TAF2: variants seen among roughly 807,000 people sequenced by gnomAD.
TAF2 encodes TATA-box binding protein associated factor 2.
Under a neutral mutation model 138.5 loss-of-function variants are expected in TAF2, and 61 were observed. The ratio of observed to expected loss-of-function variants is 0.44; its 90% CI spans 0.36 to 0.54. The LOEUF is 0.54. TAF2 is among the 20% of genes least tolerant of loss of function. The pLI, the probability that TAF2 is intolerant of heterozygous loss-of-function variation, is 0.00. For missense variants in TAF2, 1,090 were observed against 1,427.9 expected (o/e 0.76, Z 3.81); for synonymous variants, 475 against 469.9 (o/e 1.01, Z -0.14).
At chr8:119,767,634 C>G (rs946252024) in intron 18 of TAF2, among the ~76,000 whole-genome samples, 2 of 152,220 alleles carry the variant, frequency 1.3e-5, no homozygotes, top group African/African-American at 4.8e-5. Context: ...TGCTACTGCC[C>G]CACCAGGGAA....
intron 14 of TAF2, among the ~76,000 whole-genome samples, chr8:119,786,433 C>G (rs1823014903): frequency 6.6e-6 from 1 of 152,006 alleles, no homozygotes; most frequent in Non-Finnish European, 1.5e-5. Flanking sequence ...TTTTCTAGTA[C>G]CAAAAACTAA....
chr8:119,776,581 C>T (rs917109100), intron 18 of TAF2, among the ~76,000 whole-genome samples: 7 of 149,698 alleles, frequency 4.7e-5, no homozygotes, highest in Non-Finnish European at 8.9e-5. Context: ...CCCAGCTATT[C>T]GGGAGGCTGA....
At chr8:119,775,116 T>TA (rs889344808) in intron 18 of TAF2, among the ~76,000 whole-genome samples, 4 of 151,178 alleles carry the variant, frequency 2.6e-5, no homozygotes, top group Admixed American at 2.0e-4. Context: ...CTGTCTCTAC[T>TA]AAAAAAATAC....
chr8:119,831,763 A>C, intron 1 of TAF2, 32 bp from the exon 2 acceptor site: 1 of 1,388,996 alleles, frequency 7.2e-7, no homozygotes, highest in Non-Finnish European at 9.8e-7. Flanking sequence ...GAAAATAAGG[A>C]AAAAATAATT....
chr8:119,743,256 A>G (rs1819726829), intron 24 of TAF2, among the ~76,000 whole-genome samples: 2 of 152,174 alleles, frequency 1.3e-5, no homozygotes, highest in African/African-American at 4.8e-5. Context: ...CTAAGTGAAA[A>G]AAAGCAAGTC....
Position 119,797,810 on chromosome 8 carries a change from G to T in TAF2, c.829C>A (p.Leu277Met). ...TGAAGGTATGATGTGGTATGTTTCAGCAATGGAAGAAGTTGGGGCAAACAA... is the reference window on the plus strand; with the variant it reads ...TGAAGGTATGATGTGGTATGTTTCATCAATGGAAGAAGTTGGGGCAAACAA... Reference protein sequence around the residue: ...HFCLPQLLPLLKHTTSYLHEV... With the variant: ...HFCLPQLLPLMKHTTSYLHEV... Residue 277 changes from leucine to methionine, a missense_variant, in exon 7 of 26, where the codon CTG becomes ATG. Around this residue, in one of 3 missense-constraint regions of TAF2, gnomAD observed 504 missense variants for 680.9 expected, o/e 0.74. Coordinates refer to ENST00000378164, the MANE Select transcript of TAF2 (RefSeq NM_003184.4). The T allele has an allele frequency of 6.2e-7, 1 of 1,613,510 alleles. No individual in the cohort carries two copies. The highest frequency in any genetic ancestry group is 8.5e-7 in the Non-Finnish European group (1 of 1,179,662).
intron 5 of TAF2, 52 bp downstream of exon 5, chr8:119,803,826 T>A (rs1314082961): frequency 2.0e-6 from 3 of 1,533,984 alleles, no homozygotes; most frequent in Non-Finnish European, 2.7e-6. Flanking sequence ...TGCTTATACA[T>A]AAAAAATGCA....
At chr8:119,762,781 A>C (rs1331138310) in intron 18 of TAF2, 173 bp from the exon 19 acceptor site, 1 of 572,518 alleles carries the variant, frequency 1.7e-6, no homozygotes, top group Admixed American at 3.2e-5. Flanking sequence ...CTCTGAAAAC[A>C]GTAAGAGATT....
rs1205284431 is a variant in TAF2 at position 119,760,847 on chromosome 8, GATTTT to G, written c.2559-114_2559-110del. On this transcript the variant is annotated intron_variant, in intron 19 of 25. Coordinates refer to ENST00000378164, the MANE Select transcript of TAF2 (RefSeq NM_003184.4). The stretch of plus-strand genomic sequence containing the variant: ...TGGCAATCAATTTAAAAACTGATGT[GATTTT>G]AATCCACCTTCAATTTTGTAATAGA... 2.8e-6 allele frequency: 4 copies of G among 1,437,362 alleles called. No homozygotes were observed. The East Asian group carries it at 9.2e-5, about 33-fold the overall frequency. The allele number at this position is 1,437,362 out of a possible 1,614,324, so 89.0% of individuals were successfully genotyped here.
chr8:119,813,596 T>C (rs1363388093), intron 3 of TAF2, among the ~76,000 whole-genome samples: 1 of 152,232 alleles, frequency 6.6e-6, no homozygotes, highest in African/African-American at 2.4e-5. Context: ...AATCTGAGAT[T>C]ATCCAGAGAA....
chr8:119,791,296 T>C (rs372335554), intron 11 of TAF2, 28 bp downstream of exon 11: 13 of 1,609,346 alleles, frequency 8.1e-6, no homozygotes, highest in Admixed American at 1.7e-5. Context: ...TTATTTACCA[T>C]TGTTAAGTTC....
At chr8:119,783,248 A>G in intron 16 of TAF2, 133 bp downstream of exon 16, 1 of 1,052,504 alleles carries the variant, frequency 9.5e-7, no homozygotes, top group Non-Finnish European at 1.3e-6. Context: ...TATTAATTTA[A>G]AAGCACTTTG....
At chr8:119,737,790 G>C (rs1215001433) in intron 25 of TAF2, among the ~76,000 whole-genome samples, 2 of 151,920 alleles carry the variant, frequency 1.3e-5, no homozygotes. Context: ...TTACAGGCGT[G>C]AGCCACCGTG....
At chr8:119,804,669 A>G (rs151142708) in intron 4 of TAF2, among the ~76,000 whole-genome samples, 15 of 152,292 alleles carry the variant, frequency 9.8e-5, no homozygotes, top group Admixed American at 5.2e-4. Context: ...ATGTCAAACT[A>G]TAAGTTCATT....
chr8:119,788,451 TTAA>T lies in TAF2; in HGVS notation c.1684-7_1684-5del. 6.2e-7 allele frequency: 1 copy of T among 1,604,846 alleles called. No individual in the cohort carries two copies. Among genetic ancestry groups the T allele is most frequent in the Non-Finnish European group, 8.5e-7 (1 of 1,173,654 alleles). On this transcript the variant is annotated splice_region_variant and splice_polypyrimidine_tract_variant and intron_variant, in intron 13 of 25. Coordinates refer to ENST00000378164, the MANE Select transcript of TAF2 (RefSeq NM_003184.4). ...GCACTGTCACTTTAAGTGGTCCCTTTTAAAAAAAAAACGTACTGTTCAGAGATG... is the reference window on the plus strand; with the variant it reads ...GCACTGTCACTTTAAGTGGTCCCTTTAAAAAAAACGTACTGTTCAGAGATG...
Position 119,760,744 on chromosome 8 carries a change from GA to G in TAF2, c.2559-7del, listed in dbSNP as rs772990403. The G allele has an allele frequency of 1.2e-6, 2 of 1,613,414 alleles. No homozygotes were observed. The highest frequency in any genetic ancestry group is 1.7e-6 in the Non-Finnish European group (2 of 1,179,828). ...CCCGTATGGCTCTCAAACAACTAGG[GA>G]AAAAAATACGTATGTTAACTACTTT... On this transcript the variant is annotated splice_region_variant and splice_polypyrimidine_tract_variant and intron_variant, in intron 19 of 25. Coordinates refer to ENST00000378164, the MANE Select transcript of TAF2 (RefSeq NM_003184.4).
intron 25 of TAF2, among the ~76,000 whole-genome samples, chr8:119,736,471 C>T (rs1383873113): frequency 1.3e-5 from 2 of 152,182 alleles, no homozygotes; most frequent in African/African-American, 4.8e-5. Context: ...AAATTGAATA[C>T]TGATAAGGAC....
At chr8:119,752,285 A>T (rs1820405047) in intron 22 of TAF2, among the ~76,000 whole-genome samples, 1 of 152,218 alleles carries the variant, frequency 6.6e-6, no homozygotes, top group Non-Finnish European at 1.5e-5. Context: ...TGTATGAGTG[A>T]ATATACACAT....
chr8:119,775,043 G>A (rs1433130178), intron 18 of TAF2, among the ~76,000 whole-genome samples: 1 of 152,038 alleles, frequency 6.6e-6, no homozygotes, highest in East Asian at 1.9e-4. Flanking sequence ...CACTTTGGGA[G>A]GCCAAGGAGG....
Sources: allele counts gnomAD v4.1 joint callset (sites outside exome capture counted in the v4.1 genomes callset), GRCh38; gene constraint gnomAD v4.1.1; regional missense constraint gnomAD v4.1.1; transcripts MANE v1.5; gene names NCBI Gene and HGNC (gene_info 2026-07-23, HGNC 2026-07-21).